The following KRAS variants were observed in gnomAD, a reference collection of about 807,000 sequenced individuals.
The protein encoded by KRAS is KRas proto-oncogene, GTPase, also known as GTPase KRas.
A neutral mutation model predicts 21.0 loss-of-function variants in KRAS; 1 was observed. The ratio of observed to expected loss-of-function variants is 0.05; its 90% CI spans 0.02 to 0.23. The LOEUF is 0.23. KRAS is among the 10% of genes least tolerant of loss of function. The pLI, the probability that KRAS is intolerant of heterozygous loss-of-function variation, is 1.00. For synonymous variants in KRAS, 67 were observed against 72.5 expected (o/e 0.92, Z 0.39); for missense variants, 107 against 221.8 (o/e 0.48, Z 3.29).
At position 25,208,967 on chromosome 12, in the gene KRAS, G is replaced by A; in HGVS notation, c.*828C>T. On this transcript the variant is annotated 3_prime_UTR_variant, in exon 5 of 5. Transcript: ENST00000311936. ...CAGGGAGACTACATTTAATTCCTAT[G>A]AGAATTTTTTATACTTGTTAAAATC... 6.2e-6 allele frequency: 2 copies of A among 321,128 alleles called. No individual in the cohort carries two copies. Among genetic ancestry groups the A allele is most frequent in the Non-Finnish European group, 1.1e-5 (2 of 177,764 alleles). 19.9% of individuals were successfully genotyped at this position (321,128 alleles called of 1,614,324 possible). A position where few individuals can be genotyped will look rare whatever the true frequency, so the allele number is the denominator to read the frequency against.
chr12:25,233,534 AT>A (rs1951504339), intron 2 of KRAS, among the ~76,000 whole-genome samples: 1 of 152,222 alleles, frequency 6.6e-6, no homozygotes, highest in Non-Finnish European at 1.5e-5. Context: ...AGATCATGTC[AT>A]TCACTTGCTC....
At chr12:25,249,958 T>C (rs1191711926) in intron 1 of KRAS, among the ~76,000 whole-genome samples, 1 of 152,192 alleles carries the variant, frequency 6.6e-6, no homozygotes, top group Admixed American at 6.5e-5. Flanking sequence ...TTTTTCCTTT[T>C]CACTGTAGGT....
Position 25,250,859 on chromosome 12 carries a change from G to A in KRAS, c.-120C>T. 1 of 244,706 alleles carries A rather than the reference G, an allele frequency of 4.1e-6. No individual in the cohort carries two copies. The highest frequency in any genetic ancestry group is 1.1e-4 in the South Asian group (1 of 9,466). 15.2% of individuals were successfully genotyped at this position (244,706 alleles called of 1,614,324 possible). A position where few individuals can be genotyped will look rare whatever the true frequency, so the allele number is the denominator to read the frequency against. On this transcript the variant is annotated 5_prime_UTR_variant, in exon 1 of 5. Coordinates refer to ENST00000311936, the MANE Select transcript of KRAS (RefSeq NM_004985.5). Reference sequence around the variant, plus strand: ...ATGGCGGGGGCCGGGAGTACTGGCCGAGCCGCCGCCACCTTCGCCGCCGCC... The same window carrying A: ...ATGGCGGGGGCCGGGAGTACTGGCCAAGCCGCCGCCACCTTCGCCGCCGCC...
intron 4 of KRAS, among the ~76,000 whole-genome samples, chr12:25,221,824 T>C (rs1951329293): frequency 6.6e-6 from 1 of 151,970 alleles, no homozygotes; most frequent in Admixed American, 6.6e-5. Flanking sequence ...GCCGATAAAA[T>C]ACAACAAGGA....
intron 4 of KRAS, among the ~76,000 whole-genome samples, chr12:25,218,023 TA>T (rs765690247): frequency 6.6e-6 from 1 of 152,206 alleles, no homozygotes; most frequent in Non-Finnish European, 1.5e-5. Context: ...GCAACATAAA[TA>T]ATTTAAGGCA....
intron 2 of KRAS, among the ~76,000 whole-genome samples, chr12:25,243,500 A>T (rs941048768): frequency 1.1e-4 from 17 of 152,190 alleles, no homozygotes; most frequent in African/African-American, 4.1e-4. Context: ...TATTTCTTCA[A>T]CATTTATATT....
In KRAS at chr12:25,250,589, C is replaced by G. The variant is rs61016093; in HGVS notation, c.-12+162G>C. Among the ~76,000 whole-genome samples the G allele has an allele frequency of 0.17, 25,318 of 151,536 alleles. 2,209 individuals are homozygous for G. The highest frequency in any genetic ancestry group is 0.2 in the African/African-American group (8,191 of 41,376). ...GCCGCCGCGTCCGCGCGCCTCCCCCCTGCAGACCCCTCTCACCCAGCCCGC... is the reference window on the plus strand; with the variant it reads ...GCCGCCGCGTCCGCGCGCCTCCCCCGTGCAGACCCCTCTCACCCAGCCCGC... On this transcript the variant is annotated intron_variant, in intron 1 of 4. Coordinates refer to ENST00000311936, the MANE Select transcript of KRAS (RefSeq NM_004985.5).
Position 25,209,390 on chromosome 12 carries a change from A to G in KRAS, c.*405T>C. 1.3e-6 allele frequency: 1 copy of G among 762,968 alleles called. No individual in the cohort carries two copies. Among genetic ancestry groups the G allele is most frequent in the Non-Finnish European group, 1.9e-6 (1 of 522,212 alleles). 47.3% of individuals were successfully genotyped at this position (762,968 alleles called of 1,614,324 possible). A position where few individuals can be genotyped will look rare whatever the true frequency, so the allele number is the denominator to read the frequency against. On this transcript the variant is annotated 3_prime_UTR_variant, in exon 5 of 5. Transcript: ENST00000311936. ...CAGTAAAAACCAATTAGAAGGTCTC[A>G]ACTGAAATTAGTAATTAATCCATTT...
intron 2 of KRAS, among the ~76,000 whole-genome samples, chr12:25,242,684 G>A (rs951303119): frequency 2.0e-5 from 3 of 152,098 alleles, no homozygotes; most frequent in African/African-American, 7.2e-5. Context: ...TAGATAGCAG[G>A]CTAAGTTCAA....
intron 2 of KRAS, among the ~76,000 whole-genome samples, chr12:25,238,140 T>C (rs1388157418): frequency 6.6e-6 from 1 of 152,214 alleles, no homozygotes. Flanking sequence ...ATACTTAAAA[T>C]TATAAGAATG....
At chr12:25,225,200 T>C (rs1263986833) in intron 4 of KRAS, 2 of 151,080 alleles carry the variant, frequency 1.3e-5, no homozygotes, top group East Asian at 1.9e-4. Context: ...ATTCTTCAAA[T>C]ACAACAACGT....
At chr12:25,247,356 A>G (rs530769557) in intron 1 of KRAS, among the ~76,000 whole-genome samples, 1 of 152,316 alleles carries the variant, frequency 6.6e-6, no homozygotes, top group South Asian at 2.1e-4. Flanking sequence ...AAAGCACCAC[A>G]GGCTAGAAAA....
In KRAS at chr12:25,224,183, TAA is replaced by T. The variant is rs5797121; in HGVS notation, c.450+1429_450+1430del. The stretch of plus-strand genomic sequence containing the variant: ...TTTATAGTGTACTCCTCCTATTTAC[TAA>T]AAAAAAAAAAAAAAAAAAAAAAAAG... On this transcript the variant is annotated intron_variant, in intron 4 of 4. Coordinates refer to ENST00000311936, the MANE Select transcript of KRAS (RefSeq NM_004985.5). 4.1e-3 allele frequency among the ~76,000 whole-genome samples: 328 copies of T among 79,706 alleles called. 1 individual carries two copies. Among genetic ancestry groups the T allele is most frequent in the African/African-American group, 0.011 (222 of 20,732 alleles). The allele number at this position is 79,706 out of a possible 152,430, so 52.3% of individuals were successfully genotyped here. A position where few individuals can be genotyped will look rare whatever the true frequency, so the allele number is the denominator to read the frequency against.
chr12:25,207,515 CA>C lies in KRAS; in HGVS notation c.*2279del, dbSNP rs56128001. ...GGTGACAAGAGCGAGACTCTGACAC[CA>C]AAAAAAAAAAGTAAGCTTCATGAAT... On this transcript the variant is annotated 3_prime_UTR_variant, in exon 5 of 5. Transcript: ENST00000311936. 1.4e-3 allele frequency: 249 copies of C among 184,174 alleles called. No individual in the cohort carries two copies. The highest frequency in any genetic ancestry group is 5.9e-3 in the Middle Eastern group (3 of 506). The allele number at this position is 184,174 out of a possible 1,614,324, so 11.4% of individuals were successfully genotyped here.
chr12:25,218,292 G>C (rs1388497078), intron 4 of KRAS, among the ~76,000 whole-genome samples: 1 of 151,760 alleles, frequency 6.6e-6, no homozygotes. Flanking sequence ...GAGAAAAACA[G>C]TATTGGTCCT....
At chr12:25,250,423 C>T (rs1330094307) in intron 1 of KRAS, among the ~76,000 whole-genome samples, 4 of 151,988 alleles carry the variant, frequency 2.6e-5, no homozygotes, top group Admixed American at 2.6e-4. Flanking sequence ...CGGCCCGGCC[C>T]GAGTTTCTCC....
At chr12:25,230,574 G>A (rs1293364606) in intron 2 of KRAS, among the ~76,000 whole-genome samples, 1 of 152,172 alleles carries the variant, frequency 6.6e-6, no homozygotes, top group African/African-American at 2.4e-5. Flanking sequence ...GTTACGGTGA[G>A]CTGAGATTGT....
At chr12:25,235,168 G>T (rs919955087) in intron 2 of KRAS, 9 of 500,784 alleles carry the variant, frequency 1.8e-5, no homozygotes, top group Middle Eastern at 2.9e-4. Flanking sequence ...TCTTGAAATT[G>T]TATGTTTTCT....
chr12:25,224,921 T>C (rs1337518361), intron 4 of KRAS, among the ~76,000 whole-genome samples: 1 of 152,158 alleles, frequency 6.6e-6, no homozygotes, highest in Non-Finnish European at 1.5e-5. Context: ...CCTATCTTTA[T>C]GTATTCATTT....
Sources: gnomAD v4.1 joint callset for allele counts (sites outside exome capture counted in the v4.1 genomes callset) on GRCh38, gnomAD v4.1.1 for gene constraint, MANE v1.5 for transcripts, NCBI Gene and HGNC (gene_info 2026-07-23, HGNC 2026-07-21) for gene names.